The following RTN4 variants were observed in gnomAD, a reference collection of about 807,000 sequenced individuals.
The protein encoded by RTN4 is reticulon-4.
RTN4 carries 32 observed loss-of-function variants against 90.4 expected under a neutral mutation model. The ratio of observed to expected loss-of-function variants is 0.35; its 90% confidence interval spans 0.27 to 0.48. The LOEUF is 0.48. RTN4 is among the 20% of genes least tolerant of loss of function. The pLI is 0.99. For missense variants in RTN4, 1,706 were observed against 1,430.2 expected, an observed-to-expected ratio of 1.19 and a Z score of -3.11; for synonymous variants, 629 against 552.5, an observed-to-expected ratio of 1.14 and a Z score of -1.94.
intron 1 of RTN4, among the ~76,000 whole-genome samples, chr2:55,033,471 G>A (rs1363619594): frequency 1.3e-5 from 2 of 152,134 alleles, no homozygotes; most frequent in Non-Finnish European, 2.9e-5. Flanking sequence ...AAACCAGAGC[G>A]GGTCATCCAA....
chr2:55,076,389 C>CTTTTTTTTTT (rs58070912), intron 2 of RTN4, among the ~76,000 whole-genome samples: 3 of 64,632 alleles, frequency 4.6e-5, no homozygotes, highest in Admixed American at 2.4e-4. Context: ...TTCTTTTGTT[C>CTTTTTTTTTT]TTTTTTTTTT....
chr2:55,110,061 C>T (rs138145257), intron 1 of RTN4, among the ~76,000 whole-genome samples: 8 of 152,234 alleles, frequency 5.3e-5, no homozygotes, highest in Admixed American at 1.3e-4. Context: ...ATAATCCCAG[C>T]ATTGTGGGAA....
upstream of RTN4, among the ~76,000 whole-genome samples, chr2:55,051,217 C>T (rs1426965981): frequency 1.3e-5 from 2 of 152,246 alleles, no homozygotes; most frequent in East Asian, 3.9e-4. Flanking sequence ...TGCTCTTCTT[C>T]CAAAGAGAGT....
chr2:55,074,517 CAA>C (rs778275041), intron 2 of RTN4, among the ~76,000 whole-genome samples: 17 of 59,606 alleles, frequency 2.9e-4, no homozygotes, highest in Non-Finnish European at 4.7e-4. Flanking sequence ...CTGCCCTCAC[CAA>C]AAAAAAAAAA....
rs1003231330 is a variant in RTN4, at chr2:54,973,024, A to AAAAT, written c.*128_*131dup. On this transcript the variant is annotated 3_prime_UTR_variant, in exon 9 of 9. Coordinates refer to ENST00000337526, the MANE Select transcript of RTN4 (RefSeq NM_020532.5). The stretch of plus-strand genomic sequence containing the variant: ...TTTTCCTCACAACAGTGCATGGCTA[A>AAAAT]AAATAAAGATCTAACAACGATCTGT... 31 of 693,170 alleles carry AAAAT rather than the reference A, an allele frequency of 4.5e-5. No homozygotes were observed. The highest frequency in any genetic ancestry group is 7.1e-5 in the African/African-American group (4 of 55,998). 42.9% of individuals were successfully genotyped at this position (693,170 alleles called of 1,614,324 possible). A position where few individuals can be genotyped will look rare whatever the true frequency, so the allele number is the denominator to read the frequency against.
At chr2:55,117,544 G>A (rs184583334), upstream of RTN4, among the ~76,000 whole-genome samples, 355 of 152,310 alleles carry the variant, frequency 2.3e-3, 1 homozygote, top group African/African-American at 7.9e-3. Flanking sequence ...AATTTTAAAG[G>A]AGAATCTATG....
intron 4 of RTN4, among the ~76,000 whole-genome samples, chr2:54,987,210 C>G (rs1248033837): frequency 8.5e-5 from 13 of 152,162 alleles, no homozygotes; most frequent in Non-Finnish European, 1.8e-4. Flanking sequence ...AGATACAACA[C>G]TCATTCAAGT....
rs1681797882 is a variant in RTN4, at chr2:55,025,737, G to C, written c.2362C>G (p.Leu788Val). 1 of 1,613,624 alleles carries C rather than the reference G, an allele frequency of 6.2e-7. No individual in the cohort carries two copies. ...SMIEYENKEK[L>V]SALPPEGGKP... ...CCTCCCTCAGGTGGCAAAGCACTGA[G>C]TTTTTCCTTATTTTCATATTCTATC... The change falls in exon 3 of 9, where the codon CTC becomes GTC. Residue 788 changes from leucine to valine, a missense_variant. Transcript: ENST00000337526.
In RTN4 at chr2:54,973,153, T is replaced by C; in HGVS notation, c.*3A>G. On this transcript the variant is annotated 3_prime_UTR_variant, in exon 9 of 9. Coordinates refer to ENST00000337526, the MANE Select transcript of RTN4 (RefSeq NM_020532.5). ...GAACTCCTACTAATTATTTTGGGCG[T>C]TTTCATTCAGCTTTGCGCTTCAATC... 6.2e-7 allele frequency: 1 copy of C among 1,602,580 alleles called. No homozygotes were observed. Among genetic ancestry groups the C allele is most frequent in the Non-Finnish European group, 8.5e-7 (1 of 1,170,604 alleles).
chr2:55,054,120 A>T (rs1446683135), upstream of RTN4, among the ~76,000 whole-genome samples: 3 of 152,222 alleles, frequency 2.0e-5, no homozygotes, highest in Non-Finnish European at 4.4e-5. Flanking sequence ...AAATTTAAAT[A>T]AAAAAATTCT....
At chr2:55,058,906 C>T (rs181698688) in intron 2 of RTN4, among the ~76,000 whole-genome samples, 8 of 152,036 alleles carry the variant, frequency 5.3e-5, no homozygotes, top group African/African-American at 1.9e-4. Context: ...GAGGGTCTCA[C>T]TGTGTTGCCC....
rs189276106 is a variant in RTN4 at position 54,979,649 on chromosome 2, G to A, written c.3360+2866C>T. 5.3e-5 allele frequency among the ~76,000 whole-genome samples: 8 copies of A among 152,278 alleles called. No homozygotes were observed. In the South Asian group the frequency reaches 6.2e-4, roughly 12 times the overall value. ...GTGTGGCAAAATCACAAGGTTTATCGTTTATCAAGGAAGACCTTTCATGTA... is the reference window on the plus strand; with the variant it reads ...GTGTGGCAAAATCACAAGGTTTATCATTTATCAAGGAAGACCTTTCATGTA... On this transcript the variant is annotated intron_variant, in intron 5 of 8. Transcript: ENST00000337526.
intron 1 of RTN4, among the ~76,000 whole-genome samples, chr2:55,048,132 A>G (rs1667873760): frequency 6.6e-6 from 1 of 152,232 alleles, no homozygotes; most frequent in Non-Finnish European, 1.5e-5. Context: ...GTATTTGTGT[A>G]GTGTTTATCT....
chr2:54,993,614 C>T (rs551682126), intron 3 of RTN4, among the ~76,000 whole-genome samples: 5 of 152,260 alleles, frequency 3.3e-5, no homozygotes, highest in African/African-American at 4.8e-5. Context: ...CTGAAAATTA[C>T]ATACGTAAGC....
intron 3 of RTN4, among the ~76,000 whole-genome samples, chr2:54,989,959 G>C (rs773469437): frequency 6.6e-6 from 1 of 152,014 alleles, no homozygotes; most frequent in African/African-American, 2.4e-5. Flanking sequence ...CCCTTGGTAG[G>C]ATCACTCTTT....
intron 3 of RTN4, chr2:55,010,402 A>AG: frequency 8.2e-7 from 1 of 1,224,390 alleles, no homozygotes; most frequent in Non-Finnish European, 1.0e-6. Flanking sequence ...CTTGTTGCTC[A>AG]TACCAAATGG....
intron 3 of RTN4, among the ~76,000 whole-genome samples, chr2:55,013,565 T>C (rs901326143): frequency 7.6e-6 from 1 of 131,372 alleles, no homozygotes; most frequent in African/African-American, 2.8e-5. Context: ...AACTCTTTTA[T>C]GACCTCAGAA....
the RTN4 span, among the ~76,000 whole-genome samples, chr2:55,132,577 C>A: frequency 6.7e-6 from 1 of 149,610 alleles, no homozygotes; most frequent in Non-Finnish European, 1.5e-5. Flanking sequence ...TTTGGGAGGC[C>A]AAGGGAGGCA....
Position 54,974,592 on chromosome 2 carries a change from C to T in RTN4, c.3430+103G>A, listed in dbSNP as rs151237291. ...TACCGCGCCCGGCCCACATTTTCATCCCCTACTTTTCATACAATGAGAATA... is the reference window on the plus strand; with the variant it reads ...TACCGCGCCCGGCCCACATTTTCATTCCCTACTTTTCATACAATGAGAATA... On this transcript the variant is annotated intron_variant, in intron 6 of 8. Transcript: ENST00000337526. 4.7e-4 allele frequency: 473 copies of T among 1,011,578 alleles called. 2 individuals are homozygous for T. The African/African-American group carries it at 5.0e-3, about 11-fold the overall frequency. 62.7% of individuals were successfully genotyped at this position (1,011,578 alleles called of 1,614,324 possible).
Sources: allele counts gnomAD v4.1 joint callset (sites outside exome capture counted in the v4.1 genomes callset), GRCh38; gene constraint gnomAD v4.1.1; transcripts MANE v1.5; gene names NCBI Gene and HGNC (gene_info 2026-07-23, HGNC 2026-07-21).